Variants in GRIK4 observed in about 807,000 individuals in gnomAD.
GRIK4 encodes glutamate ionotropic receptor kainate type subunit 4.
GRIK4 carries 40 observed loss-of-function variants against 104.9 expected under a neutral mutation model. That is an observed-to-expected ratio of 0.38 (90% CI 0.30 to 0.50). The LOEUF is 0.50. Among genes scored for constraint, GRIK4 ranks in the 20% least tolerant of loss-of-function variants. The pLI, the probability that GRIK4 is intolerant of heterozygous loss-of-function variation, is 0.93. For missense variants in GRIK4, 1,047 were observed against 1,308.1 expected (o/e 0.80, Z 3.08); for synonymous variants, 485 against 524.9 (o/e 0.92, Z 1.04).
intron 1 of GRIK4, among the ~76,000 whole-genome samples, chr11:120,564,968 G>A (rs1948297481): frequency 7.6e-6 from 1 of 132,328 alleles, no homozygotes; most frequent in South Asian, 2.3e-4. Context: ...GATCGGCTCC[G>A]CCGGCTGCGG....
intron 1 of GRIK4, among the ~76,000 whole-genome samples, chr11:120,631,082 T>A (rs766715286): frequency 5.3e-5 from 8 of 152,234 alleles, no homozygotes; most frequent in Non-Finnish European, 1.0e-4. Context: ...GTGCCTGCCT[T>A]TCGGGGATAT....
At chr11:120,838,355 T>A (rs1251569416) in intron 8 of GRIK4, among the ~76,000 whole-genome samples, 1 of 152,208 alleles carries the variant, frequency 6.6e-6, no homozygotes, top group African/African-American at 2.4e-5. Context: ...TAAGTAAAAA[T>A]GTATTTTAAA....
At position 120,511,755 on chromosome 11, in the gene GRIK4, CT is replaced by C; in HGVS notation, c.-289del. The C allele has an allele frequency of 6.0e-6, 2 of 330,620 alleles. No homozygotes were observed. The highest frequency in any genetic ancestry group is 1.2e-5 in the Non-Finnish European group (2 of 162,600). 20.5% of individuals were successfully genotyped at this position (330,620 alleles called of 1,614,324 possible). A position where few individuals can be genotyped will look rare whatever the true frequency, so the allele number is the denominator to read the frequency against. ...TCGCTCGCAGCCGGACACAGACTGCCTTCAGCTGCGGGCGGATCGGGCTGGA... is the reference window on the plus strand; with the variant it reads ...TCGCTCGCAGCCGGACACAGACTGCCTCAGCTGCGGGCGGATCGGGCTGGA... On this transcript the variant is annotated 5_prime_UTR_variant, in exon 1 of 21. Transcript: ENST00000527524.
chr11:120,776,419 C>A (rs1383869960), intron 3 of GRIK4, among the ~76,000 whole-genome samples: 1 of 152,092 alleles, frequency 6.6e-6, no homozygotes, highest in East Asian at 1.9e-4. Context: ...TTTTGCCTGA[C>A]CTCATTGGGA....
At chr11:120,832,503 G>A (rs963939937) in intron 7 of GRIK4, among the ~76,000 whole-genome samples, 5 of 152,158 alleles carry the variant, frequency 3.3e-5, no homozygotes, top group African/African-American at 1.2e-4. Context: ...CTGTGTAGTC[G>A]ATCTCCCAGC....
intron 1 of GRIK4, among the ~76,000 whole-genome samples, chr11:120,651,067 G>C (rs776570445): frequency 2.6e-5 from 4 of 152,106 alleles, no homozygotes; most frequent in African/African-American, 9.7e-5. Flanking sequence ...TTGGGAATGG[G>C]GTTGATCTGG....
chr11:120,694,330 T>C (rs371334265), intron 3 of GRIK4, among the ~76,000 whole-genome samples: 1 of 152,230 alleles, frequency 6.6e-6, no homozygotes, highest in South Asian at 2.1e-4. Context: ...AGACAGGCTC[T>C]TCCGCCTCTC....
chr11:120,872,046 G>A, intron 9 of GRIK4: 1 of 392,296 alleles, frequency 2.5e-6, no homozygotes, highest in Non-Finnish European at 5.1e-6. Context: ...CCACTCCCTG[G>A]AGCCTTACTT....
At chr11:120,651,969 G>A (rs1226367131) in intron 1 of GRIK4, among the ~76,000 whole-genome samples, 2 of 152,292 alleles carry the variant, frequency 1.3e-5, no homozygotes, top group South Asian at 2.1e-4. Flanking sequence ...TGCAGGGAAG[G>A]TGGGTGTAGT....
chr11:120,614,867 C>T (rs1364276993), intron 1 of GRIK4, among the ~76,000 whole-genome samples: 9 of 152,170 alleles, frequency 5.9e-5, no homozygotes, highest in African/African-American at 9.6e-5. Flanking sequence ...GGTGTGGTGG[C>T]GGGCGCTTGT....
intron 1 of GRIK4, among the ~76,000 whole-genome samples, chr11:120,598,907 C>A (rs1270725308): frequency 6.6e-6 from 1 of 152,190 alleles, no homozygotes; most frequent in Non-Finnish European, 1.5e-5. Flanking sequence ...AGTCATATGT[C>A]CAAGTCCAGA....
chr11:120,926,985 G>A (rs551774797), intron 13 of GRIK4, among the ~76,000 whole-genome samples: 1 of 152,334 alleles, frequency 6.6e-6, no homozygotes, highest in African/African-American at 2.4e-5. Flanking sequence ...TTGAGCTGAG[G>A]TCAGAACGGT....
intron 9 of GRIK4, 38 bp downstream of exon 9, chr11:120,862,158 C>A: frequency 1.3e-6 from 2 of 1,586,554 alleles, no homozygotes; most frequent in Non-Finnish European, 1.7e-6. Flanking sequence ...TGCCCCTTGG[C>A]CTCTGCACAT....
At chr11:120,516,377 T>C (rs1256875954) in intron 1 of GRIK4, among the ~76,000 whole-genome samples, 1 of 151,732 alleles carries the variant, frequency 6.6e-6, no homozygotes, top group Non-Finnish European at 1.5e-5. Flanking sequence ...GCAGGCAGGA[T>C]GAGGGGAGAG....
chr11:120,815,562 A>C, intron 5 of GRIK4, 87 bp downstream of exon 5: 1 of 743,814 alleles, frequency 1.3e-6, no homozygotes, highest in Non-Finnish European at 2.2e-6. Context: ...AAGGGCTGGA[A>C]GAGCCTGTCA....
chr11:120,674,394 C>T (rs11217960), intron 3 of GRIK4, among the ~76,000 whole-genome samples: 23,636 of 152,158 alleles, frequency 0.16, 1,979 homozygotes, highest in South Asian at 0.23. Context: ...GATCTCGACA[C>T]GTGCCTATAA....
chr11:120,981,027 G>A (rs1011257941), intron 19 of GRIK4, among the ~76,000 whole-genome samples: 2 of 152,062 alleles, frequency 1.3e-5, no homozygotes, highest in Admixed American at 6.6e-5. Flanking sequence ...CGACACTGAC[G>A]AGGCTCCATG....
chr11:120,714,606 G>A (rs1385544516), intron 3 of GRIK4, among the ~76,000 whole-genome samples: 4 of 152,184 alleles, frequency 2.6e-5, no homozygotes, highest in Admixed American at 1.3e-4. Flanking sequence ...GTACTACAGC[G>A]TCCCATAGCA....
At chr11:120,858,799 T>C (rs986537805) in intron 8 of GRIK4, 1 of 152,216 alleles carries the variant, frequency 6.6e-6, no homozygotes, top group South Asian at 2.1e-4. Flanking sequence ...TAGTCTTCAA[T>C]AGCAGCAGGA....
Sources: allele counts gnomAD v4.1 joint callset (sites outside exome capture counted in the v4.1 genomes callset), GRCh38; gene constraint gnomAD v4.1.1; transcripts MANE v1.5; gene names NCBI Gene and HGNC (gene_info 2026-07-23, HGNC 2026-07-21).